The following PLAC1 variants were observed in gnomAD, a reference collection of about 807,000 sequenced individuals.
PLAC1 encodes the protein placenta associated 1.
For missense variants in PLAC1, 136 were observed against 163.2 expected (o/e 0.83, Z 0.91); for synonymous variants, 68 against 62.1 (o/e 1.09, Z -0.44).
At chrX:134,752,605 T>C (rs2078747371) in intron 1 of PLAC1, among the ~76,000 whole-genome samples, 1 of 111,754 alleles carries the variant, frequency 8.9e-6, no homozygotes, top group African/African-American at 3.3e-5. Flanking sequence ...GGTAGAAATA[T>C]ACAGCTCATT....
intron 2 of PLAC1, among the ~76,000 whole-genome samples, chrX:134,598,940 TAGAA>T (rs1442339924): frequency 2.7e-5 from 3 of 111,569 alleles, no homozygotes; most frequent in African/African-American, 9.8e-5. Context: ...AAGATTATAC[TAGAA>T]AAACCCATCT....
intron 1 of PLAC1, among the ~76,000 whole-genome samples, chrX:134,635,206 G>C (rs911653539): frequency 8.9e-6 from 1 of 111,755 alleles, no homozygotes; most frequent in African/African-American, 3.3e-5. Flanking sequence ...CAAGCTGGGA[G>C]GTCATGTGAA....
At chrX:134,667,334 A>T (rs985919926) in intron 2 of PLAC1, among the ~76,000 whole-genome samples, 1 of 112,349 alleles carries the variant, frequency 8.9e-6, no homozygotes, top group Admixed American at 9.4e-5. Flanking sequence ...TAAAGCAAAA[A>T]GACAAATAAC....
intron 2 of PLAC1, among the ~76,000 whole-genome samples, chrX:134,584,109 C>T (rs764434278): frequency 6.8e-4 from 76 of 111,169 alleles, no homozygotes; most frequent in South Asian, 2.3e-3. Flanking sequence ...TATGCCTCCA[C>T]GACATCTGTC....
At position 134,692,942 on chromosome X, in the gene PLAC1, G is replaced by T. The variant is rs141393231; in HGVS notation, n.174+40493C>A. Among the ~76,000 whole-genome samples, 1,074 of 111,862 alleles carry T rather than the reference G, an allele frequency of 9.6e-3. 56 individuals are homozygous for T. In the East Asian group the frequency reaches 0.18, roughly 18 times the overall value. ...GAAAAGGAAGAGTGAGATGCAGTAGGGGGAAGTGGCTGTAAGCTGGATTTG... is the reference window on the plus strand; with the variant it reads ...GAAAAGGAAGAGTGAGATGCAGTAGTGGGAAGTGGCTGTAAGCTGGATTTG... On this transcript the variant is annotated intron_variant and non_coding_transcript_variant, in intron 2 of 2. Transcript: ENST00000466797.
intron 2 of PLAC1, among the ~76,000 whole-genome samples, chrX:134,729,612 A>G (rs1279636018): frequency 1.8e-5 from 2 of 110,911 alleles, no homozygotes; most frequent in Non-Finnish European, 3.8e-5. Flanking sequence ...AGTGGCAGAA[A>G]GGTGCCTTCT....
At chrX:134,716,404 T>C (rs1449236312) in intron 2 of PLAC1, among the ~76,000 whole-genome samples, 1 of 112,748 alleles carries the variant, frequency 8.9e-6, no homozygotes, top group Non-Finnish European at 1.9e-5. Context: ...CAGAGATCAG[T>C]AGGGCATGTT....
intron 2 of PLAC1, among the ~76,000 whole-genome samples, chrX:134,730,128 C>T (rs2078684595): frequency 8.9e-6 from 1 of 111,910 alleles, no homozygotes; most frequent in African/African-American, 3.3e-5. Context: ...GTGGACAGCA[C>T]ATGAAGATGC....
chrX:134,666,679 A>T (rs1363558176), intron 2 of PLAC1, among the ~76,000 whole-genome samples: 2 of 111,869 alleles, frequency 1.8e-5, no homozygotes, highest in Non-Finnish European at 3.8e-5. Flanking sequence ...TTTCCACATG[A>T]TCTCCTTCCA....
rs753350223 is a variant in PLAC1 at position 134,566,162 on chromosome X, G to T, written c.521C>A (p.Thr174Asn). The T allele has an allele frequency of 1.3e-4, 155 of 1,209,783 alleles. 1 individual carries two copies. The South Asian group carries it at 2.5e-3, about 19-fold the overall frequency. Reference protein sequence around the residue: ...PPCVFSEEEHTQVPCHQAGAQ... With the variant: ...PPCVFSEEEHNQVPCHQAGAQ... ...CCCTGCTTGGTGACAAGGGACCTGG[G>T]TATGCTCTTCTTCACTGAAGACACA... The change falls in exon 3 of 3, where the codon ACC becomes AAC. Residue 174 changes from threonine (T) to asparagine (N), a missense_variant. Coordinates refer to ENST00000359237, the MANE Select transcript of PLAC1 (RefSeq NM_021796.4).
intron 2 of PLAC1, among the ~76,000 whole-genome samples, chrX:134,717,173 G>A (rs2078645676): frequency 9.0e-6 from 1 of 111,723 alleles, no homozygotes; most frequent in Non-Finnish European, 1.9e-5. Context: ...GTACATGTGC[G>A]TGCTGGGTAC....
chrX:134,704,231 C>T (rs1418085266), intron 2 of PLAC1, among the ~76,000 whole-genome samples: 1 of 109,369 alleles, frequency 9.1e-6, no homozygotes, highest in Non-Finnish European at 1.9e-5. Context: ...TGGTGGCTTA[C>T]ACCTGTAATC....
chrX:134,761,976 T>C (rs187455351), intron 1 of PLAC1, among the ~76,000 whole-genome samples: 241 of 111,910 alleles, frequency 2.2e-3, no homozygotes, highest in African/African-American at 7.6e-3. Flanking sequence ...TCGAGAACTT[T>C]TGAAGCGCCC....
At chrX:134,672,112 C>A (rs1346893806) in intron 2 of PLAC1, among the ~76,000 whole-genome samples, 2 of 111,792 alleles carry the variant, frequency 1.8e-5, no homozygotes, top group Non-Finnish European at 3.8e-5. Context: ...AAACTGAGAG[C>A]CTGAATAAAT....
At chrX:134,686,445 A>G (rs1049361290) in intron 2 of PLAC1, among the ~76,000 whole-genome samples, 4 of 111,552 alleles carry the variant, frequency 3.6e-5, no homozygotes, top group African/African-American at 1.3e-4. Context: ...TTCCCTGGCT[A>G]GAAACCCTCC....
intron 1 of PLAC1, among the ~76,000 whole-genome samples, chrX:134,645,119 C>G (rs1023772653): frequency 5.4e-5 from 6 of 111,793 alleles, no homozygotes; most frequent in Non-Finnish European, 7.5e-5. Flanking sequence ...TTAGCAATAC[C>G]AGTATTCTCA....
chrX:134,684,083 G>T lies in PLAC1; in HGVS notation n.174+49352C>A, dbSNP rs191339707. On this transcript the variant is annotated intron_variant and non_coding_transcript_variant, in intron 2 of 2. Transcript: ENST00000466797. The stretch of plus-strand genomic sequence containing the variant: ...GATGATCAATCTGGGACTACATTTT[G>T]GGAGGAGGGGTGAAATGGGAGAAGG... Among the ~76,000 whole-genome samples, 828 of 110,856 alleles carry T rather than the reference G, an allele frequency of 7.5e-3. 3 individuals carry two copies. Among genetic ancestry groups the T allele is most frequent in the Non-Finnish European group, 0.012 (636 of 52,945 alleles).
chrX:134,653,674 C>T (rs868822723), intron 1 of PLAC1, among the ~76,000 whole-genome samples: 1 of 111,311 alleles, frequency 9.0e-6, no homozygotes, highest in Admixed American at 9.5e-5. Flanking sequence ...AGCTCCTGCT[C>T]TTGTCTCAGG....
chrX:134,597,529 A>G (rs2078067819), intron 2 of PLAC1, among the ~76,000 whole-genome samples: 1 of 112,331 alleles, frequency 8.9e-6, no homozygotes, highest in Non-Finnish European at 1.9e-5. Context: ...GGTTCTTGGT[A>G]TGATGAATGA....
Sources: allele counts gnomAD v4.1 joint callset (sites outside exome capture counted in the v4.1 genomes callset), GRCh38; gene constraint gnomAD v4.1.1; transcripts MANE v1.5; gene names NCBI Gene and HGNC (gene_info 2026-07-23, HGNC 2026-07-21).